PHACTR3: variants seen among roughly 807,000 people sequenced by gnomAD.
The protein encoded by PHACTR3 is protein phosphatase 1, regulatory subunit 123.
In PHACTR3, 16 loss-of-function variants were observed where a neutral mutation model predicts 66.8. That is an observed-to-expected ratio of 0.24 (90% confidence interval 0.16 to 0.36). PHACTR3 has a LOEUF of 0.36. PHACTR3 is among the 10% of genes least tolerant of loss of function. The pLI, the probability that PHACTR3 is intolerant of heterozygous loss-of-function variation, is 1.00. For synonymous variants in PHACTR3, 323 were observed against 292.1 expected (o/e 1.11, Z -1.08); for missense variants, 647 against 719.9 (o/e 0.90, Z 1.16).
intron 1 of PHACTR3, among the ~76,000 whole-genome samples, chr20:59,622,110 G>A (rs1452811108): frequency 6.6e-6 from 1 of 151,836 alleles, no homozygotes; most frequent in African/African-American, 2.4e-5. Context: ...GTATGTGTTT[G>A]TGTGTGCAGG....
At chr20:59,751,647 A>G (rs1436249796) in intron 3 of PHACTR3, among the ~76,000 whole-genome samples, 1 of 151,870 alleles carries the variant, frequency 6.6e-6, no homozygotes, top group Non-Finnish European at 1.5e-5. Flanking sequence ...TTACTTTATG[A>G]TCGATGGTCT....
intron 7 of PHACTR3, among the ~76,000 whole-genome samples, chr20:59,789,420 G>A (rs578099471): frequency 1.3e-5 from 2 of 152,314 alleles, no homozygotes; most frequent in South Asian, 4.1e-4. Flanking sequence ...GTCAGGGGGT[G>A]CTAGGAGATG....
chr20:59,789,518 G>A (rs1037361476), intron 7 of PHACTR3, among the ~76,000 whole-genome samples: 1 of 152,166 alleles, frequency 6.6e-6, no homozygotes, highest in Non-Finnish European at 1.5e-5. Flanking sequence ...AGGAGTAAGG[G>A]GCATACCTTA....
chr20:59,684,420 C>A (rs1266292079), intron 1 of PHACTR3, among the ~76,000 whole-genome samples: 1 of 152,086 alleles, frequency 6.6e-6, no homozygotes, highest in Non-Finnish European at 1.5e-5. Flanking sequence ...CTGGAGGTGG[C>A]CTTGGTGCTG....
intron 1 of PHACTR3, among the ~76,000 whole-genome samples, chr20:59,642,084 G>A (rs2035122422): frequency 1.3e-5 from 2 of 152,146 alleles, no homozygotes; most frequent in South Asian, 2.1e-4. Context: ...CTTGCATTTT[G>A]TAGTGGCATG....
chr20:59,785,544 T>C (rs900655290), intron 7 of PHACTR3, among the ~76,000 whole-genome samples: 5 of 152,120 alleles, frequency 3.3e-5, no homozygotes, highest in Non-Finnish European at 5.9e-5. Context: ...TTCTTGCAGC[T>C]GTGGGCCCCT....
At chr20:59,607,223 G>T (rs1017181493) in intron 1 of PHACTR3, among the ~76,000 whole-genome samples, 1 of 152,138 alleles carries the variant, frequency 6.6e-6, no homozygotes, top group Admixed American at 6.5e-5. Flanking sequence ...CAAAGGGTCT[G>T]GTACCCATCA....
At chr20:59,688,127 T>C (rs1205386570) in intron 1 of PHACTR3, among the ~76,000 whole-genome samples, 7 of 152,242 alleles carry the variant, frequency 4.6e-5, no homozygotes, top group Non-Finnish European at 5.9e-5. Flanking sequence ...TGGATATTGA[T>C]TCTGATTTTC....
chr20:59,717,577 G>A (rs1040572814), intron 1 of PHACTR3, among the ~76,000 whole-genome samples: 3 of 152,170 alleles, frequency 2.0e-5, no homozygotes, highest in Non-Finnish European at 2.9e-5. Flanking sequence ...GGAGCAACTC[G>A]CTCACAGCCT....
chr20:59,777,387 C>T (rs1311770345), intron 7 of PHACTR3, among the ~76,000 whole-genome samples: 10 of 152,074 alleles, frequency 6.6e-5, no homozygotes, highest in Middle Eastern at 3.2e-3. Context: ...TTGGTTAACT[C>T]GTTCCTCTTC....
chr20:59,806,309 A>C, intron 8 of PHACTR3, 115 bp downstream of exon 8: 1 of 1,372,426 alleles, frequency 7.3e-7, no homozygotes, highest in Non-Finnish European at 9.9e-7. Context: ...CACCGTCTGC[A>C]GCAGGTCTCT....
chr20:59,709,042 G>A (rs1208812808), intron 1 of PHACTR3, among the ~76,000 whole-genome samples: 5 of 152,034 alleles, frequency 3.3e-5, no homozygotes, highest in Admixed American at 6.6e-5. Flanking sequence ...CCTTGCTGGC[G>A]GAATCAAAAG....
chr20:59,813,472 T>C (rs1237760773), intron 8 of PHACTR3, among the ~76,000 whole-genome samples: 1 of 152,212 alleles, frequency 6.6e-6, no homozygotes, highest in African/African-American at 2.4e-5. Context: ...GCCCATCTCT[T>C]GGGGTGCTTA....
At position 59,830,195 on chromosome 20, in the gene PHACTR3, A is replaced by C. The variant is rs1176523172; in HGVS notation, c.1329-6310A>C. Among the ~76,000 whole-genome samples the C allele has an allele frequency of 1.3e-5, 2 of 152,090 alleles. No individual in the cohort carries two copies. Among genetic ancestry groups the C allele is most frequent in the East Asian group, 1.9e-4 (1 of 5,184 alleles). On this transcript the variant is annotated intron_variant, in intron 8 of 12. Coordinates refer to ENST00000371015, the MANE Select transcript of PHACTR3 (RefSeq NM_080672.5). The surrounding 1 kb of genome is among the most constrained non-coding windows in gnomAD (Gnocchi z 5.8). ...AGAGGGTGTGCGTGTCTGATGGAAG[A>C]GGGTATGAGTGTCTGATAGAAGAGG...
intron 1 of PHACTR3, among the ~76,000 whole-genome samples, chr20:59,640,764 A>G (rs969735909): frequency 6.6e-6 from 1 of 152,200 alleles, no homozygotes; most frequent in African/African-American, 2.4e-5. Flanking sequence ...GTGCTATTTT[A>G]GATTAGGGAG....
Position 59,604,890 on chromosome 20 carries a change from T to C in PHACTR3, c.-125T>C. 1 of 1,078,706 alleles carries C rather than the reference T, an allele frequency of 9.3e-7. No homozygotes were observed. Among genetic ancestry groups the C allele is most frequent in the South Asian group, 4.5e-5 (1 of 22,092 alleles). 66.8% of individuals were successfully genotyped at this position (1,078,706 alleles called of 1,614,324 possible). On this transcript the variant is annotated 5_prime_UTR_variant, in exon 1 of 13. Coordinates refer to ENST00000371015, the MANE Select transcript of PHACTR3 (RefSeq NM_080672.5). ...TCCTTTCCCGGCCTTTTTTTTTTTT[T>C]TTTTTTTTTAATTTTCTTTTTTAAA... is the stretch of plus-strand genomic sequence containing the variant.
chr20:59,664,781 A>G (rs980645229), intron 1 of PHACTR3, among the ~76,000 whole-genome samples: 8 of 152,330 alleles, frequency 5.3e-5, no homozygotes, highest in East Asian at 1.9e-4. Context: ...TGGAGGCACC[A>G]TACGTCTTCT....
intron 1 of PHACTR3, among the ~76,000 whole-genome samples, chr20:59,726,867 G>A (rs2038583213): frequency 6.6e-6 from 1 of 152,106 alleles, no homozygotes; most frequent in African/African-American, 2.4e-5. Context: ...CTAGAAACTG[G>A]ACTATGTCCA....
At chr20:59,636,666 CT>C in intron 1 of PHACTR3, among the ~76,000 whole-genome samples, 1 of 152,266 alleles carries the variant, frequency 6.6e-6, no homozygotes, top group Middle Eastern at 3.4e-3. Context: ...GGATATTTAC[CT>C]TGAGGTTGTT....
Sources: gnomAD v4.1 joint callset for allele counts (sites outside exome capture counted in the v4.1 genomes callset) on GRCh38, gnomAD v4.1.1 for gene constraint, Gnocchi (gnomAD v3.1) non-coding constraint, MANE v1.5 for transcripts, NCBI Gene and HGNC (gene_info 2026-07-23, HGNC 2026-07-21) for gene names.